ZDHHC11B: variants seen among roughly 807,000 people sequenced by gnomAD.
ZDHHC11B encodes probable palmitoyltransferase ZDHHC11B.
ZDHHC11B carries 17 observed loss-of-function variants against 42.3 expected under a neutral mutation model. The observed-to-expected ratio is 0.40, with a 90% confidence interval of 0.27 to 0.60. The LOEUF is 0.60. Among genes scored for constraint, ZDHHC11B ranks in the 20% least tolerant of loss-of-function variants. The pLI is 0.41. For synonymous variants in ZDHHC11B, 123 were observed against 193.5 expected, an observed-to-expected ratio of 0.64 and a Z score of 3.02; for missense variants, 262 against 463.2, an observed-to-expected ratio of 0.57 and a Z score of 3.99.
rs1313945186 is a variant in ZDHHC11B, at chr5:724,330, C to T, written c.1058+6104G>A. ...AAGCGATTCTCCTGCCTCAGCCTCCCGAGGAATGGGATTACAGGAGCATGC... is the reference window on the plus strand; with the variant it reads ...AAGCGATTCTCCTGCCTCAGCCTCCTGAGGAATGGGATTACAGGAGCATGC... On this transcript the variant is annotated intron_variant, in intron 12 of 13. Coordinates refer to ENST00000508859, the MANE Select transcript of ZDHHC11B (RefSeq NM_001351303.2). 1.6e-4 allele frequency among the ~76,000 whole-genome samples: 23 copies of T among 148,168 alleles called. 1 individual carries two copies. The highest frequency in any genetic ancestry group is 3.6e-3 in the Middle Eastern group (1 of 280).
chr5:757,398 G>T (rs1250316015), intron 4 of ZDHHC11B, among the ~76,000 whole-genome samples: 7 of 151,960 alleles, frequency 4.6e-5, no homozygotes, highest in African/African-American at 1.5e-4. Context: ...CCTGCACCAG[G>T]CCAGGGGGCT....
At chr5:771,589 A>C (rs2150233707) in intron 1 of ZDHHC11B, among the ~76,000 whole-genome samples, 1 of 151,762 alleles carries the variant, frequency 6.6e-6, no homozygotes, top group Admixed American at 6.6e-5. Flanking sequence ...AACCGTTTCC[A>C]GTTTTATCGC....
intron 4 of ZDHHC11B, among the ~76,000 whole-genome samples, chr5:766,159 GCTC>G (rs1454843289): frequency 2.6e-5 from 4 of 151,858 alleles, no homozygotes; most frequent in African/African-American, 9.7e-5. Context: ...GCAGACACAG[GCTC>G]CCACCCGCTG....
chr5:751,424 T>TGG, intron 6 of ZDHHC11B, among the ~76,000 whole-genome samples, 167 bp from the exon 7 acceptor site: 1 of 32,450 alleles, frequency 3.1e-5, no homozygotes, highest in Non-Finnish European at 6.4e-5. Flanking sequence ...GGGACAGGTG[T>TGG]GGGGGCGGGG....
intron 12 of ZDHHC11B, among the ~76,000 whole-genome samples, chr5:719,412 C>T (rs1275711636): frequency 6.6e-6 from 1 of 151,586 alleles, no homozygotes; most frequent in Non-Finnish European, 1.5e-5. Flanking sequence ...AAGGAAGTCA[C>T]TGACAACTAA....
chr5:777,962 G>A (rs1449680667), intron 1 of ZDHHC11B, among the ~76,000 whole-genome samples: 2 of 152,002 alleles, frequency 1.3e-5, no homozygotes, highest in South Asian at 2.1e-4. Context: ...CCCGAGCCCT[G>A]CCCAGCAGGG....
chr5:774,903 G>A (rs1273829572), intron 1 of ZDHHC11B, among the ~76,000 whole-genome samples: 1 of 151,998 alleles, frequency 6.6e-6, no homozygotes, highest in African/African-American at 2.4e-5. Flanking sequence ...CGCGGGGGTG[G>A]CGCCGACAGA....
chr5:716,052 G>A (rs1350377085), intron 13 of ZDHHC11B, among the ~76,000 whole-genome samples: 2 of 150,538 alleles, frequency 1.3e-5, no homozygotes, highest in Non-Finnish European at 3.0e-5. Context: ...GGCAGGTACT[G>A]AACGGTAGAC....
intron 10 of ZDHHC11B, among the ~76,000 whole-genome samples, chr5:739,041 G>A (rs1454057435): frequency 1.3e-5 from 2 of 150,642 alleles, no homozygotes. Context: ...TTCACAATCT[G>A]TACTTCTGAC....
chr5:730,070 A>G (rs924579240), intron 12 of ZDHHC11B, among the ~76,000 whole-genome samples: 6 of 151,608 alleles, frequency 4.0e-5, no homozygotes, highest in Admixed American at 2.0e-4. Context: ...CAGAGCTGTC[A>G]TCAGTGGATG....
At chr5:753,088 C>T (rs990930176) in intron 6 of ZDHHC11B, among the ~76,000 whole-genome samples, 3 of 128,698 alleles carry the variant, frequency 2.3e-5, no homozygotes, top group African/African-American at 7.5e-5. Context: ...GGCCAGCGCT[C>T]GCAGTCTTCC....
intron 10 of ZDHHC11B, 43 bp from the exon 11 acceptor site, chr5:733,882 T>TA (rs1554031542): frequency 1.3e-6 from 2 of 1,549,904 alleles, no homozygotes; most frequent in Admixed American, 1.7e-5. Flanking sequence ...CTCAGCTTTG[T>TA]GGGGGGGCTC....
At chr5:777,944 C>T (rs530296403) in intron 1 of ZDHHC11B, among the ~76,000 whole-genome samples, 8 of 151,722 alleles carry the variant, frequency 5.3e-5, no homozygotes, top group African/African-American at 7.3e-5. Flanking sequence ...GCATGGCGGT[C>T]GGCGGGTCCC....
intron 11 of ZDHHC11B, 100 bp from the exon 12 acceptor site, chr5:730,568 T>C: frequency 8.1e-7 from 1 of 1,237,752 alleles, no homozygotes; most frequent in Non-Finnish European, 1.1e-6. Context: ...TAGTCAGTTC[T>C]GAGTAATGGT....
intron 7 of ZDHHC11B, among the ~76,000 whole-genome samples, chr5:750,234 G>A (rs1465548519): frequency 3.8e-4 from 49 of 127,960 alleles, no homozygotes; most frequent in African/African-American, 1.2e-3. Context: ...AAATGGTGGC[G>A]GGTGGGGGCA....
intron 1 of ZDHHC11B, among the ~76,000 whole-genome samples, chr5:776,135 C>A (rs1225561929): frequency 1.3e-5 from 2 of 150,930 alleles, no homozygotes; most frequent in African/African-American, 4.9e-5. Flanking sequence ...AGCCCTCAAT[C>A]CTGCCCAGAG....
intron 4 of ZDHHC11B, among the ~76,000 whole-genome samples, chr5:765,894 A>G (rs1196706046): frequency 6.6e-6 from 1 of 151,970 alleles, no homozygotes; most frequent in African/African-American, 2.4e-5. Context: ...AGAACCCACC[A>G]GTTCCGGACA....
At position 730,450 on chromosome 5, in the gene ZDHHC11B, T is replaced by C; in HGVS notation, c.1042A>G (p.Ser348Gly). The C allele has an allele frequency of 6.4e-7, 1 of 1,572,184 alleles. No individual in the cohort carries two copies. The highest frequency in any genetic ancestry group is 8.6e-7 in the Non-Finnish European group (1 of 1,166,168). Reference sequence around the variant, plus strand: ...CGAACTTACCCAAGTGTAGATGTACTCGGGGCATCATCTGCTTCCTGTGGG... The same window carrying C: ...CGAACTTACCCAAGTGTAGATGTACCCGGGGCATCATCTGCTTCCTGTGGG... The part of the protein sequence containing the change: ...SKAQEADDAP[S>G]TSTLGLQQET... The change falls in exon 12 of 14, where the codon AGT becomes GGT. Residue 348 changes from serine to glycine, a missense_variant. By Grantham distance (56) the Ser-to-Gly change is moderately conservative. Around this residue, in one of 5 missense-constraint regions of ZDHHC11B, gnomAD observed 75 missense variants for 70.1 expected, o/e 1.07. Transcript: ENST00000508859.
In ZDHHC11B at chr5:766,771, A is replaced by T; in HGVS notation, c.149T>A (p.Val50Asp). 4 of 1,612,558 alleles carry T rather than the reference A, an allele frequency of 2.5e-6. 1 individual carries two copies. The highest frequency in any genetic ancestry group is 3.4e-6 in the Non-Finnish European group (4 of 1,179,190). Reference sequence around the variant, plus strand: ...CCTGAAGGTGGCCAAGGAAAGGCCAACGAAGACAGCCCAAGTCACCACCCG... The same window carrying T: ...CCTGAAGGTGGCCAAGGAAAGGCCATCGAAGACAGCCCAAGTCACCACCCG... ...YFRVVTWAVF[V>D]GLSLATFRIF... The change falls in exon 4 of 14, where the codon GTT becomes GAT. Residue 50 changes from valine (V) to aspartate (D), a missense_variant. Around this residue, in one of 5 missense-constraint regions of ZDHHC11B, gnomAD observed 97 missense variants for 98.1 expected, o/e 0.99. Coordinates refer to ENST00000508859, the MANE Select transcript of ZDHHC11B (RefSeq NM_001351303.2).
Sources: gnomAD v4.1 joint callset for allele counts (sites outside exome capture counted in the v4.1 genomes callset) on GRCh38, gnomAD v4.1.1 for gene constraint, gnomAD v4.1.1 regional missense constraint, MANE v1.5 for transcripts, NCBI Gene and HGNC (gene_info 2026-07-23, HGNC 2026-07-21) for gene names.